The following VPS26A variants were observed in gnomAD, a reference collection of about 807,000 sequenced individuals.
VPS26A encodes VPS26 retromer complex component A, also known as vacuolar protein sorting-associated protein 26A.
A neutral mutation model predicts 42.4 loss-of-function variants in VPS26A; 22 were observed. The ratio of observed to expected loss-of-function variants is 0.52; its 90% CI spans 0.37 to 0.74. VPS26A has a LOEUF of 0.74. Among genes scored for constraint, VPS26A ranks in the 30% least tolerant of loss-of-function variants. VPS26A has a pLI of 0.00. For missense variants in VPS26A, 276 were observed against 379.2 expected (o/e 0.73, Z 2.26); for synonymous variants, 110 against 123.5 (o/e 0.89, Z 0.73).
At chr10:69,128,230 A>ATTTTTT (rs34855332) in intron 1 of VPS26A, among the ~76,000 whole-genome samples, 1 of 122,042 alleles carries the variant, frequency 8.2e-6, no homozygotes, top group Non-Finnish European at 1.8e-5. Flanking sequence ...TTGGGATTTG[A>ATTTTTT]TTTTTTTTTT....
At chr10:69,133,449 A>G in intron 2 of VPS26A, 1 of 779,050 alleles carries the variant, frequency 1.3e-6, no homozygotes. Flanking sequence ...ATTCTCTGGT[A>G]TAACTTTCTA....
intron 2 of VPS26A, among the ~76,000 whole-genome samples, chr10:69,139,992 T>G (rs1004764046): frequency 1.3e-5 from 2 of 152,182 alleles, no homozygotes; most frequent in African/African-American, 4.8e-5. Context: ...CTTCTCTTTT[T>G]TTCTTAAAAT....
Position 69,124,217 on chromosome 10 carries a change from G to C in VPS26A, c.-61G>C. 1 of 1,274,750 alleles carries C rather than the reference G, an allele frequency of 7.8e-7. No homozygotes were observed. The highest frequency in any genetic ancestry group is 3.0e-5 in the East Asian group (1 of 33,248). 79.0% of individuals were successfully genotyped at this position (1,274,750 alleles called of 1,614,324 possible). A position where few individuals can be genotyped will look rare whatever the true frequency, so the allele number is the denominator to read the frequency against. On this transcript the variant is annotated 5_prime_UTR_variant, in exon 1 of 9. Coordinates refer to ENST00000263559, the MANE Select transcript of VPS26A (RefSeq NM_004896.5). ...GAGCGCCGGAGCGGAGGGAGCCGGGGCTGGGAGTTCTCCTGAGGGAAGAGG... is the reference window on the plus strand; with the variant it reads ...GAGCGCCGGAGCGGAGGGAGCCGGGCCTGGGAGTTCTCCTGAGGGAAGAGG...
intron 6 of VPS26A, among the ~76,000 whole-genome samples, chr10:69,162,949 C>G (rs1841592328): frequency 6.6e-6 from 1 of 151,720 alleles, no homozygotes; most frequent in Non-Finnish European, 1.5e-5. Context: ...AAAAGAAAAA[C>G]AAAAACCAAA....
Position 69,173,351 on chromosome 10 carries a change from A to G in VPS26A, c.*2082A>G, listed in dbSNP as rs186039469. Among the ~76,000 whole-genome samples the G allele has an allele frequency of 6.6e-6, 1 of 152,144 alleles. No homozygotes were observed. Among genetic ancestry groups the G allele is most frequent in the Admixed American group, 6.5e-5 (1 of 15,268 alleles). On this transcript the variant is annotated 3_prime_UTR_variant, in exon 9 of 9. Coordinates refer to ENST00000263559, the MANE Select transcript of VPS26A (RefSeq NM_004896.5). Reference sequence around the variant, plus strand: ...GGGCCATAAGCATTAAAAACAAAACAACCTCAAAAAAATACCTGTCATCTC... The same window carrying G: ...GGGCCATAAGCATTAAAAACAAAACGACCTCAAAAAAATACCTGTCATCTC...
At chr10:69,129,273 C>T (rs1285428997) in intron 1 of VPS26A, among the ~76,000 whole-genome samples, 4 of 152,248 alleles carry the variant, frequency 2.6e-5, no homozygotes, top group East Asian at 1.9e-4. Context: ...TAAATGTGAG[C>T]TGCATGATTT....
intron 1 of VPS26A, among the ~76,000 whole-genome samples, chr10:69,128,402 G>A (rs1163571854): frequency 6.6e-6 from 1 of 151,610 alleles, no homozygotes; most frequent in Non-Finnish European, 1.5e-5. Context: ...TGGCAAATTT[G>A]TTCTGTTTTT....
chr10:69,169,069 CAG>C (rs1357569120), intron 8 of VPS26A, among the ~76,000 whole-genome samples: 3 of 145,470 alleles, frequency 2.1e-5, no homozygotes, highest in Non-Finnish European at 4.5e-5. Context: ...TTTGTAGAGA[CAG>C]AGTCTCACTG....
At chr10:69,133,135 A>G in intron 2 of VPS26A, 88 bp downstream of exon 2, 1 of 1,364,268 alleles carries the variant, frequency 7.3e-7, no homozygotes, top group Non-Finnish European at 9.9e-7. Flanking sequence ...AAATTTGAAT[A>G]ATTTTATGAG....
chr10:69,166,580 G>A (rs984689402), intron 7 of VPS26A, among the ~76,000 whole-genome samples: 1 of 152,066 alleles, frequency 6.6e-6, no homozygotes, highest in Non-Finnish European at 1.5e-5. Context: ...TTATGTCTGG[G>A]TTTTCTTCAC....
intron 2 of VPS26A, among the ~76,000 whole-genome samples, chr10:69,141,991 C>G (rs891320432): frequency 2.0e-5 from 3 of 152,034 alleles, no homozygotes; most frequent in Non-Finnish European, 4.4e-5. Flanking sequence ...TCAAGTGATT[C>G]TCCTGCCTCA....
intron 7 of VPS26A, among the ~76,000 whole-genome samples, 171 bp from the exon 8 acceptor site, chr10:69,168,318 A>T (rs1411028347): frequency 6.6e-6 from 1 of 152,138 alleles, no homozygotes; most frequent in African/African-American, 2.4e-5. Flanking sequence ...CACAACAAAG[A>T]ATTATTCAGC....
At chr10:69,129,747 A>T (rs1036857085) in intron 1 of VPS26A, among the ~76,000 whole-genome samples, 8 of 151,886 alleles carry the variant, frequency 5.3e-5, no homozygotes, top group African/African-American at 1.5e-4. Flanking sequence ...CTGGTCTCGA[A>T]CTCCTGACCT....
At chr10:69,151,491 C>G (rs957696465) in intron 2 of VPS26A, among the ~76,000 whole-genome samples, 22 of 151,362 alleles carry the variant, frequency 1.5e-4, no homozygotes, top group African/African-American at 4.9e-4. Context: ...ACCCAGCTCA[C>G]CAGCATAGTT....
At position 69,149,093 on chromosome 10, in the gene VPS26A, G is replaced by A. The variant is rs192677124; in HGVS notation, c.154-6719G>A. On this transcript the variant is annotated intron_variant, in intron 2 of 8. Transcript: ENST00000263559. ...TGTATGTAGATCTGTTTTTTTTTACGTTCATTTTAAACCTATGTAGTCTCA... is the reference window on the plus strand; with the variant it reads ...TGTATGTAGATCTGTTTTTTTTTACATTCATTTTAAACCTATGTAGTCTCA... Among the ~76,000 whole-genome samples, 8 of 150,454 alleles carry A rather than the reference G, an allele frequency of 5.3e-5. No homozygotes were observed. The East Asian group carries it at 1.2e-3, about 22-fold the overall frequency.
At position 69,173,032 on chromosome 10, in the gene VPS26A, A is replaced by G. The variant is rs112486937; in HGVS notation, c.*1763A>G. 2.9e-4 allele frequency among the ~76,000 whole-genome samples: 44 copies of G among 152,352 alleles called. No individual in the cohort carries two copies. Among genetic ancestry groups the G allele is most frequent in the African/African-American group, 9.9e-4 (41 of 41,586 alleles). On this transcript the variant is annotated 3_prime_UTR_variant, in exon 9 of 9. Transcript: ENST00000263559. ...TTTAAATAGATATATAATGCTTTTAATAGGCTGGCTTAAAACTGTCATATA... is the reference window on the plus strand; with the variant it reads ...TTTAAATAGATATATAATGCTTTTAGTAGGCTGGCTTAAAACTGTCATATA...
At chr10:69,162,580 T>C in intron 6 of VPS26A, 68 bp downstream of exon 6, 1 of 1,038,528 alleles carries the variant, frequency 9.6e-7, no homozygotes, top group Non-Finnish European at 1.4e-6. Flanking sequence ...TCTTAAAATA[T>C]TGTTTAAACA....
At chr10:69,124,306 C>A (rs757081987) in intron 1 of VPS26A, 26 bp downstream of exon 1, 9 of 1,245,984 alleles carry the variant, frequency 7.2e-6, no homozygotes, top group Non-Finnish European at 9.1e-6. Flanking sequence ...CCAGCGCGCT[C>A]GCCTCCCGCC....
At chr10:69,159,766 C>G (rs1841512049) in intron 5 of VPS26A, among the ~76,000 whole-genome samples, 1 of 152,184 alleles carries the variant, frequency 6.6e-6, no homozygotes, top group African/African-American at 2.4e-5. Context: ...ACAGTATTCA[C>G]ATTTCCCTAA....
Sources: allele counts gnomAD v4.1 joint callset (sites outside exome capture counted in the v4.1 genomes callset), GRCh38; gene constraint gnomAD v4.1.1; transcripts MANE v1.5; gene names NCBI Gene and HGNC (gene_info 2026-07-23, HGNC 2026-07-21).